The following TCF12 variants were observed in gnomAD, a reference collection of about 807,000 sequenced individuals.
TCF12 encodes DNA-binding protein HTF4.
In TCF12, 45 loss-of-function variants were observed where a neutral mutation model predicts 86.0. That is an observed-to-expected ratio of 0.52 (90% CI 0.41 to 0.67). The LOEUF (loss-of-function observed/expected upper bound fraction) is 0.67, where lower values mean the gene tolerates loss of function less well. TCF12 is among the 30% of genes least tolerant of loss of function. The pLI is 0.00. For missense variants in TCF12, 881 were observed against 859.9 expected (o/e 1.02, Z -0.31); for synonymous variants, 330 against 299.6 (o/e 1.10, Z -1.05).
intron 3 of TCF12, among the ~76,000 whole-genome samples, chr15:57,050,605 A>G (rs1395566591): frequency 1.3e-5 from 2 of 152,032 alleles, no homozygotes; most frequent in South Asian, 2.1e-4. Flanking sequence ...ATTTGGGGAA[A>G]TTTTTGCCAG....
At chr15:57,061,095 T>C (rs1240091396) in intron 3 of TCF12, among the ~76,000 whole-genome samples, 1 of 152,222 alleles carries the variant, frequency 6.6e-6, no homozygotes, top group Non-Finnish European at 1.5e-5. Context: ...GTACTACTCT[T>C]TAGCTGGTGA....
chr15:57,021,837 C>T (rs542526114), intron 3 of TCF12, among the ~76,000 whole-genome samples: 64 of 151,744 alleles, frequency 4.2e-4, no homozygotes, highest in African/African-American at 1.4e-3. Context: ...TTCCTATAGG[C>T]GGGTTCCACA....
chr15:57,253,151 T>C, intron 15 of TCF12, 111 bp from the exon 16 acceptor site: 1 of 1,163,000 alleles, frequency 8.6e-7, no homozygotes, highest in East Asian at 2.4e-5. Context: ...AGCTACTTGA[T>C]ACTGCATTTC....
chr15:57,228,017 A>G (rs920207027), intron 8 of TCF12, among the ~76,000 whole-genome samples: 1 of 152,086 alleles, frequency 6.6e-6, no homozygotes, highest in Non-Finnish European at 1.5e-5. Context: ...AACTAGGGGA[A>G]AAAAACTGGC....
At chr15:57,155,001 A>C (rs1282534904) in intron 5 of TCF12, among the ~76,000 whole-genome samples, 1 of 152,190 alleles carries the variant, frequency 6.6e-6, no homozygotes, top group African/African-American at 2.4e-5. Flanking sequence ...CTCACAAAAA[A>C]CCCAGTGAGG....
intron 3 of TCF12, among the ~76,000 whole-genome samples, chr15:56,927,492 A>G (rs1305796382): frequency 3.3e-5 from 5 of 152,210 alleles, no homozygotes; most frequent in African/African-American, 1.2e-4. Flanking sequence ...TCTACCATTA[A>G]CATTTTCTCC....
intron 3 of TCF12, among the ~76,000 whole-genome samples, chr15:56,952,775 G>A (rs2061340315): frequency 6.6e-6 from 1 of 152,058 alleles, no homozygotes; most frequent in South Asian, 2.1e-4. Context: ...TCCATTCCAT[G>A]GGATAATCTT....
rs2061998407 is a variant in TCF12, at chr15:57,288,335, C to T, written c.*2190C>T. The T allele has an allele frequency of 6.6e-6, 1 of 152,560 alleles. No homozygotes were observed. Among genetic ancestry groups the T allele is most frequent in the Non-Finnish European group, 1.5e-5 (1 of 68,020 alleles). 9.5% of individuals were successfully genotyped at this position (152,560 alleles called of 1,614,324 possible). On this transcript the variant is annotated 3_prime_UTR_variant, in exon 21 of 21. Coordinates refer to ENST00000333725, the MANE Select transcript of TCF12 (RefSeq NM_207037.2). ...GATGAATTGCTTCTCATCTTGTTCT[C>T]CAGTTTCCATTGTTGGTTTATTGCA...
chr15:56,995,118 ATAAG>A (rs1253785868), intron 3 of TCF12, among the ~76,000 whole-genome samples: 3 of 151,960 alleles, frequency 2.0e-5, no homozygotes, highest in Non-Finnish European at 2.9e-5. Flanking sequence ...TACTTACAAA[ATAAG>A]TAGGTAGGTT....
intron 4 of TCF12, among the ~76,000 whole-genome samples, chr15:57,075,688 C>CT (rs1418027855): frequency 6.6e-6 from 1 of 151,814 alleles, no homozygotes; most frequent in African/African-American, 2.4e-5. Flanking sequence ...GAATTTAAGC[C>CT]TGAGTTCTCT....
chr15:56,925,350 C>T (rs575106616), intron 3 of TCF12, among the ~76,000 whole-genome samples: 13 of 144,672 alleles, frequency 9.0e-5, no homozygotes, highest in Admixed American at 3.7e-4. Flanking sequence ...TATAGTGAGG[C>T]ATACCTACAA....
At chr15:56,992,548 T>C (rs1313531900) in intron 3 of TCF12, among the ~76,000 whole-genome samples, 1 of 152,208 alleles carries the variant, frequency 6.6e-6, no homozygotes, top group Admixed American at 6.5e-5. Flanking sequence ...CACCTGTAAA[T>C]GGATCACAGA....
intron 3 of TCF12, among the ~76,000 whole-genome samples, chr15:56,925,249 C>A (rs7170987): frequency 5.9e-5 from 8 of 135,388 alleles, no homozygotes; most frequent in Admixed American, 4.4e-4. Context: ...CGCCCCCCCA[C>A]CCCCCCGCCC....
At chr15:57,245,092 A>G (rs1164648567) in intron 13 of TCF12, among the ~76,000 whole-genome samples, 1 of 152,256 alleles carries the variant, frequency 6.6e-6, no homozygotes, top group African/African-American at 2.4e-5. Context: ...CTGTTTTCCT[A>G]ATCAAGCCAT....
intron 19 of TCF12, among the ~76,000 whole-genome samples, chr15:57,275,503 C>G (rs1039011287): frequency 4.1e-5 from 6 of 147,790 alleles, no homozygotes; most frequent in African/African-American, 1.5e-4. Flanking sequence ...GGGTTTAGAA[C>G]CCTTCATACA....
chr15:57,261,069 G>A (rs2060565929), intron 16 of TCF12, among the ~76,000 whole-genome samples: 1 of 152,086 alleles, frequency 6.6e-6, no homozygotes, highest in South Asian at 2.1e-4. Flanking sequence ...AATACATCGT[G>A]AAATTGTGTG....
chr15:56,949,720 C>A (rs1382623893), intron 3 of TCF12, among the ~76,000 whole-genome samples: 1 of 152,158 alleles, frequency 6.6e-6, no homozygotes, highest in African/African-American at 2.4e-5. Context: ...AGATATGGCC[C>A]TTCTGGAAGA....
intron 11 of TCF12, among the ~76,000 whole-genome samples, chr15:57,233,517 G>T (rs2059255217): frequency 6.6e-6 from 1 of 151,704 alleles, no homozygotes; most frequent in South Asian, 2.1e-4. Flanking sequence ...TTATTTTTGA[G>T]ACAGGGTCTC....
intron 6 of TCF12, among the ~76,000 whole-genome samples, chr15:57,169,254 C>G (rs914784275): frequency 1.3e-5 from 2 of 152,132 alleles, no homozygotes; most frequent in Non-Finnish European, 2.9e-5. Context: ...AAGATAGCAG[C>G]TTAGTTAGGC....
Sources: gnomAD v4.1 joint callset for allele counts (sites outside exome capture counted in the v4.1 genomes callset) on GRCh38, gnomAD v4.1.1 for gene constraint, MANE v1.5 for transcripts, NCBI Gene and HGNC (gene_info 2026-07-23, HGNC 2026-07-21) for gene names.